Variants in RAD51B observed in about 807,000 individuals in gnomAD.
RAD51B encodes RAD51 paralog B.
Under a neutral mutation model 42.2 loss-of-function variants are expected in RAD51B, and 38 were observed. The observed-to-expected ratio is 0.90, with a 90% CI of 0.70 to 1.18. The LOEUF (loss-of-function observed/expected upper bound fraction) is 1.18, where lower values mean the gene tolerates loss of function less well. RAD51B is among the 50% of genes most tolerant of loss of function. The pLI is 0.00. For synonymous variants in RAD51B, 154 were observed against 145.2 expected (o/e 1.06, Z -0.43); for missense variants, 373 against 400.7 (o/e 0.93, Z 0.59).
intron 7 of RAD51B, among the ~76,000 whole-genome samples, chr14:67,964,885 T>A (rs1394311970): frequency 6.6e-6 from 1 of 152,218 alleles, no homozygotes; most frequent in Non-Finnish European, 1.5e-5. Flanking sequence ...AAGAAGAAAT[T>A]TGACAGAAAA....
chr14:68,178,842 ATGT>A (rs931519482), intron 7 of RAD51B, among the ~76,000 whole-genome samples: 173 of 152,264 alleles, frequency 1.1e-3, no homozygotes, highest in African/African-American at 3.9e-3. Context: ...GCGTAAACAG[ATGT>A]TGTAAAAAAC....
At chr14:68,215,381 T>C (rs1157048838) in intron 7 of RAD51B, among the ~76,000 whole-genome samples, 4 of 152,194 alleles carry the variant, frequency 2.6e-5, no homozygotes, top group Non-Finnish European at 2.9e-5. Flanking sequence ...ACAGATATTA[T>C]TGTACCCATT....
At chr14:68,518,693 GT>G in intron 10 of RAD51B, among the ~76,000 whole-genome samples, 1 of 152,282 alleles carries the variant, frequency 6.6e-6, no homozygotes. Context: ...AGAGACAGGT[GT>G]TTGAAACCCC....
chr14:68,298,352 G>C (rs1423236482), intron 8 of RAD51B, among the ~76,000 whole-genome samples: 1 of 152,200 alleles, frequency 6.6e-6, no homozygotes, highest in Non-Finnish European at 1.5e-5. Context: ...GAACATTAAA[G>C]TCAACCACCA....
intron 10 of RAD51B, among the ~76,000 whole-genome samples, chr14:68,484,361 T>TTTC (rs1555417123): frequency 1.2e-3 from 171 of 145,502 alleles, no homozygotes; most frequent in African/African-American, 4.2e-3. Flanking sequence ...TTCTTTTTCT[T>TTTC]TTTTTTTTTT....
chr14:68,231,096 G>T (rs532180652), intron 7 of RAD51B, among the ~76,000 whole-genome samples: 126 of 152,276 alleles, frequency 8.3e-4, no homozygotes, highest in African/African-American at 2.9e-3. Flanking sequence ...GGGATTTGTA[G>T]CAAGAAGCCA....
intron 7 of RAD51B, among the ~76,000 whole-genome samples, chr14:68,002,192 A>T (rs1353713970): frequency 6.6e-6 from 1 of 152,134 alleles, no homozygotes; most frequent in Non-Finnish European, 1.5e-5. Context: ...TTTTCTCTGC[A>T]ACCTTGCCAG....
intron 10 of RAD51B, 48 bp from the exon 11 acceptor site, chr14:68,477,600 A>G (rs758195336): frequency 1.3e-6 from 2 of 1,580,120 alleles, no homozygotes; most frequent in Non-Finnish European, 1.7e-6. Flanking sequence ...TGCATTTCAT[A>G]ACAATTTTTT....
intron 9 of RAD51B, among the ~76,000 whole-genome samples, chr14:68,439,558 A>G (rs138210763): frequency 1.5e-3 from 233 of 152,176 alleles, no homozygotes; most frequent in African/African-American, 4.7e-3. Flanking sequence ...AAGACCCCCA[A>G]TCTCTTCTCC....
intron 3 of RAD51B, among the ~76,000 whole-genome samples, chr14:67,827,574 A>G (rs1476291356): frequency 4.6e-5 from 7 of 151,820 alleles, no homozygotes; most frequent in Admixed American, 1.3e-4. Context: ...GGATCATCCT[A>G]TCACCTAGGT....
intron 7 of RAD51B, among the ~76,000 whole-genome samples, chr14:67,893,849 A>G (rs1366963784): frequency 1.3e-5 from 2 of 152,104 alleles, no homozygotes; most frequent in Admixed American, 1.3e-4. Context: ...CATACATATT[A>G]TCTAATACCT....
intron 5 of RAD51B, among the ~76,000 whole-genome samples, chr14:67,868,843 C>T (rs550421367): frequency 1.8e-4 from 27 of 152,270 alleles, no homozygotes; most frequent in Non-Finnish European, 2.9e-4. Context: ...CCTCACACGG[C>T]CGGGTACTCC....
chr14:68,094,757 G>A (rs975792284), intron 7 of RAD51B, among the ~76,000 whole-genome samples: 1 of 152,202 alleles, frequency 6.6e-6, no homozygotes, highest in African/African-American at 2.4e-5. Context: ...CTCCTAATAG[G>A]TTAGTGATGA....
rs149703665 is a variant in RAD51B at position 68,566,376 on chromosome 14, C to T, written c.1037-28109C>T. On this transcript the variant is annotated intron_variant, in intron 10 of 10. Coordinates refer to the RAD51B transcript ENST00000487270. ...CTATTTCCCATAGAATTGTCTGATTCATCCCCTTTGTTAGTAATTAGAAGA... is the reference window on the plus strand; with the variant it reads ...CTATTTCCCATAGAATTGTCTGATTTATCCCCTTTGTTAGTAATTAGAAGA... Among the ~76,000 whole-genome samples, 9 of 152,308 alleles carry T rather than the reference C, an allele frequency of 5.9e-5. No individual in the cohort carries two copies. In the East Asian group the frequency reaches 7.7e-4, roughly 13 times the overall value.
intron 8 of RAD51B, among the ~76,000 whole-genome samples, chr14:68,329,597 A>G (rs1314556229): frequency 1.3e-5 from 2 of 152,226 alleles, no homozygotes; most frequent in South Asian, 2.1e-4. Flanking sequence ...GTAATTAAAT[A>G]TTGCTAAAAC....
At chr14:68,512,771 A>G (rs998056499) in intron 10 of RAD51B, among the ~76,000 whole-genome samples, 4 of 152,036 alleles carry the variant, frequency 2.6e-5, no homozygotes, top group African/African-American at 9.7e-5. Flanking sequence ...CAAACCAACA[A>G]ACATACATAC....
intron 7 of RAD51B, among the ~76,000 whole-genome samples, chr14:67,920,142 A>G (rs2044275092): frequency 6.6e-6 from 1 of 152,166 alleles, no homozygotes; most frequent in Non-Finnish European, 1.5e-5. Flanking sequence ...TACAAAGGAA[A>G]AAACTTTAGT....
chr14:68,027,914 G>A (rs556441963), intron 7 of RAD51B, among the ~76,000 whole-genome samples: 1 of 152,292 alleles, frequency 6.6e-6, no homozygotes, highest in East Asian at 1.9e-4. Flanking sequence ...TGAACTGCCA[G>A]AATTCTTGCA....
At position 68,255,757 on chromosome 14, in the gene RAD51B, A is replaced by G. The variant is rs189576445; in HGVS notation, c.757-36127A>G. The stretch of plus-strand genomic sequence containing the variant: ...ATGGATGCCTATTTATACAATGTGT[A>G]TTGCTACAGAGCTTTTCCTTCTTAA... On this transcript the variant is annotated intron_variant, in intron 7 of 10. Coordinates refer to ENST00000471583, the MANE Select transcript of RAD51B (RefSeq NM_133510.4). 2.0e-5 allele frequency among the ~76,000 whole-genome samples: 3 copies of G among 152,320 alleles called. No individual in the cohort carries two copies. In the East Asian group the frequency reaches 5.8e-4, roughly 29 times the overall value.
Sources: gnomAD v4.1 joint callset for allele counts (sites outside exome capture counted in the v4.1 genomes callset) on GRCh38, gnomAD v4.1.1 for gene constraint, MANE v1.5 for transcripts, NCBI Gene and HGNC (gene_info 2026-07-23, HGNC 2026-07-21) for gene names.